RUNX1T1: variants seen among roughly 807,000 people sequenced by gnomAD.
RUNX1T1 encodes the protein protein CBFA2T1.
In RUNX1T1, 4 loss-of-function variants were observed where a neutral mutation model predicts 62.8. The observed-to-expected ratio is 0.06, with a 90% CI of 0.03 to 0.15. The LOEUF is 0.15. RUNX1T1 is among the 10% of genes least tolerant of loss of function. The probability of loss-of-function intolerance (pLI) is 1.00; values close to 1 mark genes in which losing one functional copy is unlikely to be tolerated. For synonymous variants in RUNX1T1, 291 were observed against 286.0 expected (o/e 1.02, Z -0.18); for missense variants, 508 against 754.3 (o/e 0.67, Z 3.82).
At chr8:91,998,546 C>G in intron 5 of RUNX1T1, among the ~76,000 whole-genome samples, 1 of 152,160 alleles carries the variant, frequency 6.6e-6, no homozygotes. Context: ...AAACGTGATG[C>G]CCAGACCTTC....
At chr8:91,996,962 G>GGA (rs1818823404) in intron 5 of RUNX1T1, among the ~76,000 whole-genome samples, 1 of 133,226 alleles carries the variant, frequency 7.5e-6, no homozygotes, top group Non-Finnish European at 1.6e-5. Context: ...TCTCTACTAA[G>GGA]AAAAAAAAAA....
chr8:92,069,219 T>C (rs1563893015), intron 2 of RUNX1T1, among the ~76,000 whole-genome samples: 2 of 152,044 alleles, frequency 1.3e-5, no homozygotes, highest in Non-Finnish European at 2.9e-5. Flanking sequence ...TTCAATGCAT[T>C]GAAAGAACTG....
intron 1 of RUNX1T1, among the ~76,000 whole-genome samples, chr8:92,043,145 T>C (rs1190581961): frequency 1.3e-5 from 2 of 152,212 alleles, no homozygotes; most frequent in Non-Finnish European, 2.9e-5. Flanking sequence ...AATTTCAATC[T>C]ATACATATTT....
chr8:91,959,101 C>T (rs1222959491), exon 11 of RUNX1T1: 4 of 216,274 alleles, frequency 1.8e-5, no homozygotes, highest in Non-Finnish European at 3.7e-5. Context: ...TCACATTTGT[C>T]CAACACATTT....
exon 11 of RUNX1T1, chr8:91,959,442 G>A (rs78145244): frequency 0.031 from 3,625 of 117,122 alleles, 172 homozygotes; most frequent in African/African-American, 0.17. Flanking sequence ...GTGTGTGTGT[G>A]TGTGTGTGTG....
chr8:91,974,635 T>C (rs563747550), intron 9 of RUNX1T1, among the ~76,000 whole-genome samples: 7 of 152,270 alleles, frequency 4.6e-5, no homozygotes, highest in East Asian at 1.9e-4. Context: ...TAGGTGGTAC[T>C]TGGCATATTT....
At chr8:91,974,943 G>C (rs1264638346) in intron 9 of RUNX1T1, among the ~76,000 whole-genome samples, 4 of 152,174 alleles carry the variant, frequency 2.6e-5, no homozygotes, top group Non-Finnish European at 5.9e-5. Context: ...ACACAGCTGA[G>C]TGAAATCCCA....
At chr8:92,051,345 G>C (rs1288009356) in intron 1 of RUNX1T1, among the ~76,000 whole-genome samples, 1 of 152,030 alleles carries the variant, frequency 6.6e-6, no homozygotes, top group Non-Finnish European at 1.5e-5. Context: ...CAATCTATAG[G>C]AGGACAACCA....
intron 1 of RUNX1T1, among the ~76,000 whole-genome samples, chr8:92,030,147 T>C (rs949854942): frequency 3.3e-5 from 5 of 152,128 alleles, no homozygotes; most frequent in African/African-American, 1.2e-4. Context: ...AAAATCCATC[T>C]CAGCTCAAAT....
At chr8:92,092,781 T>C (rs1837231508) in intron 1 of RUNX1T1, among the ~76,000 whole-genome samples, 1 of 152,236 alleles carries the variant, frequency 6.6e-6, no homozygotes. Context: ...TACTACCATT[T>C]ATCTGCTGAG....
At chr8:91,977,991 T>C (rs192995005) in intron 8 of RUNX1T1, among the ~76,000 whole-genome samples, 50 of 152,266 alleles carry the variant, frequency 3.3e-4, no homozygotes, top group Admixed American at 1.8e-3. Context: ...TTTCACCATG[T>C]TGGCCAGGCT....
At chr8:92,061,330 T>A (rs1254234702) in intron 1 of RUNX1T1, among the ~76,000 whole-genome samples, 4 of 152,202 alleles carry the variant, frequency 2.6e-5, no homozygotes, top group African/African-American at 9.6e-5. Context: ...ACACAGGCAC[T>A]TTCACACTGA....
chr8:91,970,602 G>A, intron 10 of RUNX1T1, 56 bp downstream of exon 11: 1 of 1,396,752 alleles, frequency 7.2e-7, no homozygotes, highest in East Asian at 2.5e-5. Flanking sequence ...TGAAGAATGA[G>A]CACTCTAATG....
chr8:92,102,868 C>T (rs928391530), upstream of RUNX1T1: 124 of 1,521,810 alleles, frequency 8.1e-5, no homozygotes, highest in Non-Finnish European at 1.0e-4. This position sits in a 1 kb window ranked among gnomAD's most constrained non-coding sequence, Gnocchi z 4.5. Flanking sequence ...CTGCACAGGG[C>T]CGGAGAGTCC....
intron 1 of RUNX1T1, among the ~76,000 whole-genome samples, chr8:92,086,417 G>A (rs1052496939): frequency 6.6e-6 from 1 of 152,220 alleles, no homozygotes; most frequent in Non-Finnish European, 1.5e-5. Context: ...CTGCAAAAGA[G>A]AAACTCAAAG....
intron 1 of RUNX1T1, among the ~76,000 whole-genome samples, chr8:92,085,559 T>A (rs1835971173): frequency 6.6e-6 from 1 of 152,202 alleles, no homozygotes; most frequent in Non-Finnish European, 1.5e-5. Flanking sequence ...TTAGTTCTTA[T>A]CAAGCATAAT....
At chr8:92,074,095 T>C (rs1834070799) in intron 2 of RUNX1T1, among the ~76,000 whole-genome samples, 1 of 152,160 alleles carries the variant, frequency 6.6e-6, no homozygotes. Context: ...AGACATCATG[T>C]TTAAAGTATG....
chr8:92,102,862 A>C, upstream of RUNX1T1: 1 of 1,523,148 alleles, frequency 6.6e-7, no homozygotes, highest in South Asian at 1.2e-5. The surrounding 1 kb of genome is among the most constrained non-coding windows in gnomAD (Gnocchi z 4.5). Flanking sequence ...CTTACACTGC[A>C]CAGGGCCGGA....
At chr8:92,046,782 A>C (rs1209864797) in intron 1 of RUNX1T1, among the ~76,000 whole-genome samples, 1 of 152,222 alleles carries the variant, frequency 6.6e-6, no homozygotes, top group Non-Finnish European at 1.5e-5. Flanking sequence ...AAAACCAAGA[A>C]AGACTTAACA....
Sources: gnomAD v4.1 joint callset for allele counts (sites outside exome capture counted in the v4.1 genomes callset) on GRCh38, gnomAD v4.1.1 for gene constraint, Gnocchi (gnomAD v3.1) non-coding constraint, MANE v1.5 for transcripts, NCBI Gene and HGNC (gene_info 2026-07-23, HGNC 2026-07-21) for gene names.